TENM2: variants seen among roughly 807,000 people sequenced by gnomAD.
TENM2 encodes the protein teneurin-2.
Under a neutral mutation model 245.2 loss-of-function variants are expected in TENM2, and 52 were observed. The ratio of observed to expected loss-of-function variants is 0.21; its 90% CI spans 0.17 to 0.27. TENM2 has a LOEUF of 0.27. TENM2 is among the 10% of genes least tolerant of loss of function. The pLI is 1.00. For missense variants in TENM2, 3,046 were observed against 3,666.8 expected (o/e 0.83, Z 4.37); for synonymous variants, 1,363 against 1,438.9 (o/e 0.95, Z 1.19).
At chr5:167,195,382 G>A in the TENM2 span, among the ~76,000 whole-genome samples, 11 of 151,970 alleles carry the variant, frequency 7.2e-5, no homozygotes, top group Non-Finnish European at 1.5e-4. Flanking sequence ...CTTTTATTGA[G>A]CACATACTAT....
At chr5:167,960,749 A>T (rs1364174743) in intron 4 of TENM2, among the ~76,000 whole-genome samples, 1 of 152,064 alleles carries the variant, frequency 6.6e-6, no homozygotes, top group Non-Finnish European at 1.5e-5. Flanking sequence ...TGGTATTAAT[A>T]AAAAAACTCC....
rs374121793 is a variant in TENM2 at position 167,940,306 on chromosome 5, A to G, written c.713-12282A>G. 7.2e-5 allele frequency among the ~76,000 whole-genome samples: 11 copies of G among 152,298 alleles called. No individual in the cohort carries two copies. The East Asian group carries it at 1.2e-3, about 16-fold the overall frequency. ...TCGGTCATTTGTTCAACAACCGTCT[A>G]TTGTGTCTACCAAGTACTCCAAGAG... On this transcript the variant is annotated intron_variant, in intron 3 of 28. Transcript: ENST00000518659.
At chr5:167,192,823 T>A in the TENM2 span, among the ~76,000 whole-genome samples, 12 of 152,068 alleles carry the variant, frequency 7.9e-5, no homozygotes, top group Non-Finnish European at 7.4e-5. Flanking sequence ...GCACGCAACT[T>A]CACTTAGGAA....
chr5:167,494,984 G>A (rs1768710487), intron 2 of TENM2, among the ~76,000 whole-genome samples: 1 of 151,930 alleles, frequency 6.6e-6, no homozygotes, highest in Non-Finnish European at 1.5e-5. Flanking sequence ...ATTCACAAAG[G>A]CAAATGAATG....
chr5:167,504,395 T>A (rs1769408365), intron 2 of TENM2, among the ~76,000 whole-genome samples: 1 of 152,192 alleles, frequency 6.6e-6, no homozygotes, highest in South Asian at 2.1e-4. Flanking sequence ...TACTTTAGTA[T>A]AAAACTTGCA....
At position 167,630,135 on chromosome 5, in the gene TENM2, C is replaced by CT. The variant is rs77793874; in HGVS notation, c.503-245839dup. Among the ~76,000 whole-genome samples, 1,226 of 144,142 alleles carry CT rather than the reference C, an allele frequency of 8.5e-3. 16 individuals carry two copies. Among genetic ancestry groups the CT allele is most frequent in the African/African-American group, 0.025 (1,018 of 39,942 alleles). The allele number at this position is 144,142 out of a possible 152,430, so 94.6% of individuals were successfully genotyped here. A position where few individuals can be genotyped will look rare whatever the true frequency, so the allele number is the denominator to read the frequency against. On this transcript the variant is annotated intron_variant, in intron 2 of 28. Transcript: ENST00000518659. ...CTTACGTCTTAGCAGCCTCAGCATC[C>CT]TTTTTTTTTTTTCCGTTATTAAGTG...
chr5:167,607,558 C>T (rs1777144708), intron 2 of TENM2, among the ~76,000 whole-genome samples: 1 of 152,206 alleles, frequency 6.6e-6, no homozygotes, highest in Admixed American at 6.5e-5. Flanking sequence ...TATACTCTAC[C>T]TCACCCATCA....
chr5:168,022,790 C>G (rs974846790), intron 5 of TENM2, among the ~76,000 whole-genome samples: 4 of 152,170 alleles, frequency 2.6e-5, no homozygotes, highest in Non-Finnish European at 4.4e-5. Flanking sequence ...TACAGAACAA[C>G]TTTAGAATCG....
intron 1 of TENM2, among the ~76,000 whole-genome samples, chr5:167,320,339 G>T (rs796846660): frequency 9.2e-5 from 14 of 152,306 alleles, no homozygotes; most frequent in African/African-American, 3.4e-4. Context: ...CCAGCACACT[G>T]AAATATAGTT....
At chr5:167,662,006 G>A (rs998515552) in intron 2 of TENM2, among the ~76,000 whole-genome samples, 5 of 152,210 alleles carry the variant, frequency 3.3e-5, no homozygotes, top group Non-Finnish European at 5.9e-5. Context: ...AGAAGGGCCT[G>A]ATTGGCCAGG....
At chr5:167,060,498 A>G in the TENM2 span, among the ~76,000 whole-genome samples, 4 of 151,876 alleles carry the variant, frequency 2.6e-5, no homozygotes, top group Non-Finnish European at 5.9e-5. Context: ...TAAAAATACA[A>G]AAATTAGCCA....
chr5:166,995,304 A>G, the TENM2 span, among the ~76,000 whole-genome samples: 1 of 151,740 alleles, frequency 6.6e-6, no homozygotes, highest in Non-Finnish European at 1.5e-5. Context: ...CAGTGGCCCA[A>G]TCTCAGCTCA....
chr5:167,298,145 C>T (rs1463206413), intron 1 of TENM2, among the ~76,000 whole-genome samples: 1 of 152,050 alleles, frequency 6.6e-6, no homozygotes, highest in East Asian at 1.9e-4. Context: ...CGACGTTTCT[C>T]AGGGCTGCCT....
At chr5:168,144,458 A>C (rs1166085902) in intron 12 of TENM2, among the ~76,000 whole-genome samples, 4 of 151,410 alleles carry the variant, frequency 2.6e-5, no homozygotes, top group African/African-American at 9.7e-5. Context: ...GCAATAGTTT[A>C]CTGAGAATGA....
intron 12 of TENM2, among the ~76,000 whole-genome samples, chr5:168,141,556 G>C (rs758050046): frequency 5.9e-5 from 9 of 152,176 alleles, no homozygotes; most frequent in Non-Finnish European, 1.2e-4. Flanking sequence ...AGATCCAGCA[G>C]AAAAGTTTGG....
rs115078970 is a variant in TENM2, at chr5:168,112,659, G to C, written c.1814-5633G>C. ...TCTACCAGATGGATTGCCAATTGCAGGGATCTTGCTAGAAGGGAAACTCAC... is the reference window on the plus strand; with the variant it reads ...TCTACCAGATGGATTGCCAATTGCACGGATCTTGCTAGAAGGGAAACTCAC... On this transcript the variant is annotated intron_variant, in intron 9 of 28. Coordinates refer to ENST00000518659, the Ensembl canonical transcript of TENM2. Among the ~76,000 whole-genome samples, 1,155 of 148,992 alleles carry C rather than the reference G, an allele frequency of 7.8e-3. 14 individuals are homozygous for C. The highest frequency in any genetic ancestry group is 0.027 in the African/African-American group (1,088 of 40,702).
chr5:168,062,087 T>C, exon 7 of TENM2: 3 of 1,611,894 alleles, frequency 1.9e-6, no homozygotes, highest in Non-Finnish European at 1.7e-6. Context: ...AACAGCAGCA[T>C]AGACAGTGGT....
At position 168,104,257 on chromosome 5, in the gene TENM2, G is replaced by C. The variant is rs137968200; in HGVS notation, c.1813+6130G>C. ...TCAGCCAGGCTGGTCTCAAACTCCTGATCTCAAGTGATCCACCTGCCTCGG... is the reference window on the plus strand; with the variant it reads ...TCAGCCAGGCTGGTCTCAAACTCCTCATCTCAAGTGATCCACCTGCCTCGG... On this transcript the variant is annotated intron_variant, in intron 9 of 28. Coordinates refer to ENST00000518659, the Ensembl canonical transcript of TENM2. 1.7e-4 allele frequency among the ~76,000 whole-genome samples: 26 copies of C among 152,204 alleles called. 2 individuals carry two copies. In the East Asian group the frequency reaches 4.8e-3, roughly 28 times the overall value.
chr5:167,839,890 T>TA (rs1769339083), intron 2 of TENM2, among the ~76,000 whole-genome samples: 1 of 152,242 alleles, frequency 6.6e-6, no homozygotes, highest in African/African-American at 2.4e-5. Context: ...CGGTCTTGGC[T>TA]CACTGCAACC....
Sources: allele counts gnomAD v4.1 joint callset (sites outside exome capture counted in the v4.1 genomes callset), GRCh38; gene constraint gnomAD v4.1.1; transcripts MANE v1.5; gene names NCBI Gene and HGNC (gene_info 2026-07-23, HGNC 2026-07-21).